The following FILIP1 variants were observed in gnomAD, a reference collection of about 807,000 sequenced individuals.
FILIP1 encodes the protein filamin-A-interacting protein 1.
In FILIP1, 61 loss-of-function variants were observed where a neutral mutation model predicts 102.1. The observed-to-expected ratio is 0.60, with a 90% confidence interval of 0.49 to 0.74. The LOEUF is 0.74. Ranked by LOEUF, FILIP1 falls within the 30% of genes least tolerant of loss-of-function variation. FILIP1 has a pLI of 0.00. For synonymous variants in FILIP1, 491 were observed against 526.9 expected (o/e 0.93, Z 0.93); for missense variants, 1,314 against 1,441.2 (o/e 0.91, Z 1.43).
intron 1 of FILIP1, among the ~76,000 whole-genome samples, chr6:75,441,825 C>T (rs1207206234): frequency 1.4e-5 from 2 of 145,376 alleles, no homozygotes; most frequent in African/African-American, 5.1e-5. Flanking sequence ...GGCGGCTGGC[C>T]GGGCGGGGGG....
chr6:75,395,739 A>G (rs1776439027), intron 2 of FILIP1, among the ~76,000 whole-genome samples: 1 of 152,098 alleles, frequency 6.6e-6, no homozygotes, highest in South Asian at 2.1e-4. Flanking sequence ...TTACAATAAG[A>G]CTCTACCTTG....
chr6:75,352,793 T>A (rs1381041753), intron 4 of FILIP1, among the ~76,000 whole-genome samples: 4 of 151,886 alleles, frequency 2.6e-5, no homozygotes, highest in African/African-American at 7.2e-5. Flanking sequence ...TTACTTCAAA[T>A]AGAAAGCAAT....
intron 2 of FILIP1, among the ~76,000 whole-genome samples, chr6:75,371,330 C>A (rs2998371): frequency 6.6e-6 from 1 of 152,018 alleles, no homozygotes; most frequent in African/African-American, 2.4e-5. Context: ...ACTGAATATC[C>A]ACCAAAAGAA....
intron 2 of FILIP1, among the ~76,000 whole-genome samples, chr6:75,402,222 T>C (rs1776682534): frequency 6.6e-6 from 1 of 152,156 alleles, no homozygotes; most frequent in African/African-American, 2.4e-5. Flanking sequence ...GTATTCTGCC[T>C]GAAACAATGA....
chr6:75,491,564 G>A (rs1779958758), intron 1 of FILIP1, among the ~76,000 whole-genome samples: 1 of 152,130 alleles, frequency 6.6e-6, no homozygotes, highest in Non-Finnish European at 1.5e-5. Flanking sequence ...CTAGGGTGAA[G>A]AGAACAGGCA....
At chr6:75,395,474 TC>T (rs966904790) in intron 2 of FILIP1, among the ~76,000 whole-genome samples, 4 of 152,136 alleles carry the variant, frequency 2.6e-5, no homozygotes, top group Non-Finnish European at 1.5e-5. Context: ...AGACAGGGTT[TC>T]ACCATGCAGC....
At position 75,416,586 on chromosome 6, in the gene FILIP1, C is replaced by CAA. The variant is rs35413915; in HGVS notation, c.-6-1610_-6-1609dup. On this transcript the variant is annotated intron_variant, in intron 1 of 5. Transcript: ENST00000237172. The stretch of plus-strand genomic sequence containing the variant: ...GAATGGACTGACTAAAGCCCCAATC[C>CAA]AAAAAAAAAAAAAAAAGAAGTGATG... 6.4e-3 allele frequency among the ~76,000 whole-genome samples: 838 copies of CAA among 130,608 alleles called. 28 individuals carry two copies. In the East Asian group the frequency reaches 0.1, roughly 16 times the overall value. The allele number at this position is 130,608 out of a possible 152,430, so 85.7% of individuals were successfully genotyped here. A position where few individuals can be genotyped will look rare whatever the true frequency, so the allele number is the denominator to read the frequency against.
intron 2 of FILIP1, among the ~76,000 whole-genome samples, chr6:75,380,137 C>T (rs888765176): frequency 1.3e-5 from 2 of 151,348 alleles, no homozygotes; most frequent in African/African-American, 4.9e-5. Context: ...ACAGGGAAGA[C>T]GTTCTCTGAA....
At chr6:75,418,809 C>T (rs1777357062) in intron 1 of FILIP1, among the ~76,000 whole-genome samples, 2 of 152,188 alleles carry the variant, frequency 1.3e-5, no homozygotes, top group Non-Finnish European at 2.9e-5. Context: ...AGCACAGATG[C>T]TTCTCTTTGA....
At chr6:75,435,216 T>A (rs1777975448) in intron 1 of FILIP1, among the ~76,000 whole-genome samples, 1 of 151,158 alleles carries the variant, frequency 6.6e-6, no homozygotes, top group Non-Finnish European at 1.5e-5. Flanking sequence ...GGAGAGTGAA[T>A]TTTTAATGTA....
chr6:75,309,073 C>T (rs1272939935), intron 5 of FILIP1, among the ~76,000 whole-genome samples, 176 bp from the exon 6 acceptor site: 1 of 152,000 alleles, frequency 6.6e-6, no homozygotes, highest in Non-Finnish European at 1.5e-5. Context: ...CTCTGATTAT[C>T]TCCCCTTCCC....
At chr6:75,441,756 G>A (rs2149721720) in intron 1 of FILIP1, among the ~76,000 whole-genome samples, 1 of 145,156 alleles carries the variant, frequency 6.9e-6, no homozygotes, top group East Asian at 2.1e-4. Context: ...CCGGGCAGAG[G>A]GGCTCCTCAC....
At chr6:75,420,499 C>T (rs2808207) in intron 1 of FILIP1, among the ~76,000 whole-genome samples, 105,456 of 151,956 alleles carry the variant, frequency 0.69, 37,351 homozygotes, top group African/African-American at 0.84. Flanking sequence ...TAGCTGTCCT[C>T]TACTTTCCAT....
At chr6:75,395,142 A>G (rs1342736689) in intron 2 of FILIP1, among the ~76,000 whole-genome samples, 2 of 152,132 alleles carry the variant, frequency 1.3e-5, no homozygotes, top group African/African-American at 4.8e-5. Flanking sequence ...TCAGTACAAT[A>G]TATATATAAT....
intron 2 of FILIP1, among the ~76,000 whole-genome samples, chr6:75,400,731 G>A (rs1381240118): frequency 6.6e-6 from 1 of 152,122 alleles, no homozygotes; most frequent in African/African-American, 2.4e-5. Flanking sequence ...GGATGGGGGA[G>A]GGAAGGGTAG....
chr6:75,372,466 A>G (rs1775555472), intron 2 of FILIP1, among the ~76,000 whole-genome samples: 1 of 151,028 alleles, frequency 6.6e-6, no homozygotes, highest in Non-Finnish European at 1.5e-5. Flanking sequence ...AAGGACTCAA[A>G]TAGACATTTC....
At chr6:75,296,067 T>G (rs761052602) in intron 6 of FILIP1, 1 of 645,110 alleles carries the variant, frequency 1.6e-6, no homozygotes, top group Non-Finnish European at 2.3e-6. Context: ...AACAGGTACA[T>G]GAGGCTAATA....
intron 1 of FILIP1, among the ~76,000 whole-genome samples, chr6:75,427,989 T>C (rs892859147): frequency 6.6e-6 from 1 of 151,744 alleles, no homozygotes; most frequent in South Asian, 2.1e-4. Context: ...AGAGGGTGGG[T>C]TGAAGGAAGA....
chr6:75,357,927 T>C (rs1775056972), intron 3 of FILIP1, among the ~76,000 whole-genome samples: 1 of 152,204 alleles, frequency 6.6e-6, no homozygotes, highest in Non-Finnish European at 1.5e-5. Context: ...TGGCTTTTGG[T>C]TTTCAGGATC....
Sources: gnomAD v4.1 joint callset for allele counts (sites outside exome capture counted in the v4.1 genomes callset) on GRCh38, gnomAD v4.1.1 for gene constraint, MANE v1.5 for transcripts, NCBI Gene and HGNC (gene_info 2026-07-23, HGNC 2026-07-21) for gene names.